ANAPC11: variants seen among roughly 807,000 people sequenced by gnomAD.
ANAPC11 encodes anaphase-promoting complex subunit 11.
In ANAPC11, 5 loss-of-function variants were observed where a neutral mutation model predicts 11.8. That is an observed-to-expected ratio of 0.42 (90% CI 0.22 to 0.89). ANAPC11 has a LOEUF of 0.89. Among genes scored for constraint, ANAPC11 ranks in the 40% least tolerant of loss-of-function variants. The probability of loss-of-function intolerance (pLI) is 0.28; values close to 1 mark genes in which losing one functional copy is unlikely to be tolerated. For synonymous variants in ANAPC11, 45 were observed against 41.0 expected (o/e 1.10, Z -0.38); for missense variants, 68 against 112.9 (o/e 0.60, Z 1.80).
At chr17:81,891,603 A>T (rs1292591870), upstream of ANAPC11, 4 of 1,379,674 alleles carry the variant, frequency 2.9e-6, no homozygotes, top group South Asian at 5.3e-5. Flanking sequence ...GCGCGTCAGC[A>T]CGCCGGCACG....
At chr17:81,890,828 A>G (rs978117058), upstream of ANAPC11, 2 of 1,613,856 alleles carry the variant, frequency 1.2e-6, no homozygotes, top group Non-Finnish European at 1.7e-6. Context: ...TGGCTGAAAA[A>G]AAAACCGCAA....
downstream of ANAPC11, chr17:81,900,293 A>G (rs1456640245): frequency 4.8e-6 from 3 of 623,916 alleles, no homozygotes; most frequent in East Asian, 5.8e-5. Flanking sequence ...CGGCATATAG[A>G]TGTGGTCTCG....
chr17:81,891,602 C>A, upstream of ANAPC11: 1 of 1,384,332 alleles, frequency 7.2e-7, no homozygotes, highest in East Asian at 3.6e-5. Flanking sequence ...CGCGCGTCAG[C>A]ACGCCGGCAC....
upstream of ANAPC11, chr17:81,891,186 C>T: frequency 1.8e-6 from 1 of 565,740 alleles, no homozygotes; most frequent in Non-Finnish European, 2.5e-6. Context: ...CGCGCCCACA[C>T]GCACCCTCCG....
chr17:81,899,348 C>G lies in ANAPC11; in HGVS notation c.110-572C>G, dbSNP rs746799218. On this transcript the variant is annotated intron_variant, in intron 3 of 3. Transcript: ENST00000344877. The stretch of plus-strand genomic sequence containing the variant: ...CACAGGTGCCCATCAACACAGCTTC[C>G]CCAACGCCTGGGCAGCACACCGGAT... 2.5e-6 allele frequency: 4 copies of G among 1,613,814 alleles called. No homozygotes were observed. In the Admixed American group the frequency reaches 6.7e-5, roughly 27 times the overall value.
intron 2 of ANAPC11, among the ~76,000 whole-genome samples, 162 bp downstream of exon 2, chr17:81,893,776 T>C (rs935882024): frequency 6.9e-6 from 1 of 144,276 alleles, no homozygotes; most frequent in African/African-American, 2.7e-5. Context: ...TTTTTTTTTT[T>C]GGTAGAGACT....
chr17:81,892,579 G>A (rs1458760762), intron 1 of ANAPC11, among the ~76,000 whole-genome samples: 6 of 145,582 alleles, frequency 4.1e-5, no homozygotes, highest in African/African-American at 1.6e-4. Context: ...CTGGAGTGCA[G>A]TGGGGCGATC....
At chr17:81,894,644 T>C (rs981404485) in intron 3 of ANAPC11, 58 bp downstream of exon 3, 1 of 1,192,696 alleles carries the variant, frequency 8.4e-7, no homozygotes, top group South Asian at 1.4e-5. Context: ...CCCTCTGTGC[T>C]GTCTGCTGCC....
At chr17:81,896,510 G>A (rs775843165) in intron 3 of ANAPC11, among the ~76,000 whole-genome samples, 3 of 152,178 alleles carry the variant, frequency 2.0e-5, no homozygotes, top group East Asian at 1.9e-4. Context: ...TCATGAGACC[G>A]AAATGAGCGT....
intron 3 of ANAPC11, chr17:81,899,290 A>T (rs2039853667): frequency 1.2e-6 from 2 of 1,613,064 alleles, no homozygotes; most frequent in Non-Finnish European, 1.7e-6. Context: ...TGGTGCCCGC[A>T]GCCTGTGCCT....
chr17:81,899,068 G>A (rs1435263849), intron 3 of ANAPC11: 3 of 687,966 alleles, frequency 4.4e-6, no homozygotes, highest in African/African-American at 3.6e-5. Flanking sequence ...GGACAGGAGG[G>A]TGGCCACGAG....
intron 2 of ANAPC11, 109 bp downstream of exon 2, chr17:81,893,723 T>C (rs1444937497): frequency 6.6e-6 from 1 of 150,950 alleles, no homozygotes; most frequent in Admixed American, 6.6e-5. Context: ...TCTAGATGGC[T>C]AAAGAAACCT....
Position 81,891,812 on chromosome 17 carries a change from G to T in ANAPC11, c.-104G>T. 1 of 238,444 alleles carries T rather than the reference G, an allele frequency of 4.2e-6. No homozygotes were observed. The highest frequency in any genetic ancestry group is 8.1e-6 in the Non-Finnish European group (1 of 123,696). The allele number at this position is 238,444 out of a possible 1,614,324, so 14.8% of individuals were successfully genotyped here. ...TTTTATACCTTCCCGCGCGGACGCC[G>T]GCGCTGCCAACGGAAGGGCGGGTAG... On this transcript the variant is annotated 5_prime_UTR_variant, in exon 1 of 4. Coordinates refer to ENST00000344877, the MANE Select transcript of ANAPC11 (RefSeq NM_001002248.3).
At chr17:81,891,720 C>G, upstream of ANAPC11, 2 of 737,640 alleles carry the variant, frequency 2.7e-6, no homozygotes, top group Non-Finnish European at 3.6e-6. Context: ...GGCGGGGAGG[C>G]GCGTGCGCAC....
intron 3 of ANAPC11, among the ~76,000 whole-genome samples, chr17:81,897,201 A>G (rs1049887619): frequency 3.9e-5 from 6 of 151,974 alleles, no homozygotes; most frequent in African/African-American, 1.5e-4. Flanking sequence ...GGGTTTCACC[A>G]TGTTGGCCAG....
At chr17:81,899,224 C>T (rs1474835487) in intron 3 of ANAPC11, 6 of 1,607,400 alleles carry the variant, frequency 3.7e-6, no homozygotes, top group African/African-American at 2.7e-5. Context: ...CTGATACAAG[C>T]ATCCCTCTCT....
chr17:81,895,045 CTTTT>C (rs1385408773), intron 3 of ANAPC11, among the ~76,000 whole-genome samples: 20 of 127,700 alleles, frequency 1.6e-4, no homozygotes, highest in African/African-American at 5.8e-4. Context: ...TTCTTTCTTT[CTTTT>C]CTTTTTTTTT....
At chr17:81,899,250 C>T in intron 3 of ANAPC11, 1 of 1,611,488 alleles carries the variant, frequency 6.2e-7, no homozygotes, top group Non-Finnish European at 8.5e-7. Flanking sequence ...AGGTCCTCTC[C>T]ATGGAGAAAG....
chr17:81,890,903 C>T (rs1358037342), upstream of ANAPC11: 4 of 1,586,638 alleles, frequency 2.5e-6, no homozygotes, highest in East Asian at 6.7e-5. Context: ...CCGGACCCTT[C>T]CTCTTCCCGG....
Sources: allele counts gnomAD v4.1 joint callset (sites outside exome capture counted in the v4.1 genomes callset), GRCh38; gene constraint gnomAD v4.1.1; transcripts MANE v1.5; gene names NCBI Gene and HGNC (gene_info 2026-07-23, HGNC 2026-07-21).